The following RBFOX3 variants were observed in gnomAD, a reference collection of about 807,000 sequenced individuals.
RBFOX3 encodes RNA binding protein fox-1 homolog 3.
In RBFOX3, 17 loss-of-function variants were observed where a neutral mutation model predicts 48.7. That is an observed-to-expected ratio of 0.35 (90% CI 0.24 to 0.52). The LOEUF is 0.52. Ranked by LOEUF, RBFOX3 falls within the 20% of genes least tolerant of loss-of-function variation. The pLI, the probability that RBFOX3 is intolerant of heterozygous loss-of-function variation, is 0.94. For synonymous variants in RBFOX3, 212 were observed against 209.5 expected, an observed-to-expected ratio of 1.01 and a Z score of -0.10; for missense variants, 382 against 497.5, an observed-to-expected ratio of 0.77 and a Z score of 2.21.
At chr17:79,547,330 C>CTGTAATCCCAG in intron 1 of RBFOX3, among the ~76,000 whole-genome samples, 1 of 152,198 alleles carries the variant, frequency 6.6e-6, no homozygotes, top group South Asian at 2.1e-4. Context: ...TGGCGCACGC[C>CTGTAATCCCAG]TGTAATCCCA....
At chr17:79,134,628 A>G (rs186337690) in intron 4 of RBFOX3, among the ~76,000 whole-genome samples, 5 of 152,338 alleles carry the variant, frequency 3.3e-5, no homozygotes, top group Admixed American at 6.5e-5. Context: ...CCTGACCTGC[A>G]GCCTCAGAAT....
Position 79,116,561 on chromosome 17 carries a change from G to A in RBFOX3, c.-33-813C>T, listed in dbSNP as rs551332737. Among the ~76,000 whole-genome samples, 409 of 152,362 alleles carry A rather than the reference G, an allele frequency of 2.7e-3. 1 individual carries two copies. The highest frequency in any genetic ancestry group is 9.6e-3 in the African/African-American group (399 of 41,586). Reference sequence around the variant, plus strand: ...TTTTGTCATTGGAAAGCAGAAGTGAGAGGGCGGCGCTGCCCAGCCCGCACC... The same window carrying A: ...TTTTGTCATTGGAAAGCAGAAGTGAAAGGGCGGCGCTGCCCAGCCCGCACC... On this transcript the variant is annotated intron_variant, in intron 4 of 14. Transcript: ENST00000693108.
chr17:79,601,738 G>A (rs1162591754), intron 1 of RBFOX3: 4 of 152,184 alleles, frequency 2.6e-5, no homozygotes, highest in Admixed American at 2.0e-4. Context: ...CCCATGGGAA[G>A]GGGGCGGGCT....
At chr17:79,357,731 G>T (rs2085461072) in intron 2 of RBFOX3, among the ~76,000 whole-genome samples, 1 of 125,118 alleles carries the variant, frequency 8.0e-6, no homozygotes, top group Non-Finnish European at 1.6e-5. Context: ...CGGTATAGGG[G>T]GGTGGTGAAG....
At chr17:79,333,873 G>A (rs2080786540) in intron 2 of RBFOX3, among the ~76,000 whole-genome samples, 1 of 151,912 alleles carries the variant, frequency 6.6e-6, no homozygotes, top group South Asian at 2.1e-4. Context: ...GCATCATCCT[G>A]GGACCTTCCC....
At chr17:79,251,454 T>G (rs540578675) in intron 3 of RBFOX3, among the ~76,000 whole-genome samples, 1 of 152,304 alleles carries the variant, frequency 6.6e-6, no homozygotes, top group Admixed American at 6.5e-5. Flanking sequence ...TCATTGGAAT[T>G]GATCCAGCAT....
chr17:79,267,920 T>G (rs16972227), intron 3 of RBFOX3, among the ~76,000 whole-genome samples: 15,470 of 152,214 alleles, frequency 0.1, 1,362 homozygotes, highest in East Asian at 0.5. Flanking sequence ...CCAGCCTAAC[T>G]CTTGATGGCT....
At chr17:79,407,478 G>A (rs999636320) in intron 2 of RBFOX3, among the ~76,000 whole-genome samples, 1 of 152,274 alleles carries the variant, frequency 6.6e-6, no homozygotes, top group Non-Finnish European at 1.5e-5. Context: ...ATGTGTTTCC[G>A]CATCTTCATT....
intron 2 of RBFOX3, among the ~76,000 whole-genome samples, chr17:79,343,251 C>G (rs896734913): frequency 6.6e-6 from 1 of 152,060 alleles, no homozygotes; most frequent in Non-Finnish European, 1.5e-5. Context: ...AAGGGCCAGG[C>G]GAGGTAACTC....
At chr17:79,244,622 T>C (rs1251038280) in intron 3 of RBFOX3, among the ~76,000 whole-genome samples, 1 of 152,068 alleles carries the variant, frequency 6.6e-6, no homozygotes, top group Non-Finnish European at 1.5e-5. Flanking sequence ...TTCTTCACGG[T>C]CATTGCTCTT....
chr17:79,471,266 A>C lies in RBFOX3; in HGVS notation c.-175+11188T>G, dbSNP rs1199804181. 2.0e-5 allele frequency among the ~76,000 whole-genome samples: 3 copies of C among 152,148 alleles called. No homozygotes were observed. The highest frequency in any genetic ancestry group is 7.2e-5 in the African/African-American group (3 of 41,418). ...CAGCTCATGGAAAGCGGGGTACGTG[A>C]CCAGCACTGGCCAGGGTGCGACGCT... is the stretch of plus-strand genomic sequence containing the variant. On this transcript the variant is annotated intron_variant, in intron 2 of 14. Coordinates refer to ENST00000693108, the MANE Select transcript of RBFOX3 (RefSeq NM_001350451.2). This position sits in a 1 kb window ranked among gnomAD's most constrained non-coding sequence, Gnocchi z 4.0.
chr17:79,179,525 C>T (rs959920291), intron 4 of RBFOX3, among the ~76,000 whole-genome samples: 1 of 152,136 alleles, frequency 6.6e-6, no homozygotes, highest in African/African-American at 2.4e-5. Context: ...GTCCCTCTCC[C>T]CCGGCCAGCC....
chr17:79,093,548 G>GAA (rs72211592), intron 14 of RBFOX3, among the ~76,000 whole-genome samples: 2,527 of 117,388 alleles, frequency 0.022, 72 homozygotes, highest in African/African-American at 0.071. Context: ...GTTAAAAATT[G>GAA]AAAAAAAAAA....
chr17:79,484,690 G>T (rs4992581), intron 1 of RBFOX3, among the ~76,000 whole-genome samples: 23,600 of 152,152 alleles, frequency 0.16, 1,942 homozygotes, highest in East Asian at 0.27. Flanking sequence ...GGTGGGGAGA[G>T]AAAGCAGGCG....
At chr17:79,271,171 G>C (rs945989808) in intron 3 of RBFOX3, among the ~76,000 whole-genome samples, 3 of 151,900 alleles carry the variant, frequency 2.0e-5, no homozygotes, top group African/African-American at 7.3e-5. Flanking sequence ...TGCCTCCCGG[G>C]TTCAAGCGAT....
chr17:79,368,778 C>T (rs970583989), intron 2 of RBFOX3, among the ~76,000 whole-genome samples: 1 of 152,200 alleles, frequency 6.6e-6, no homozygotes, highest in African/African-American at 2.4e-5. Flanking sequence ...CCAGGGCTGA[C>T]ACCATTAGGG....
chr17:79,592,968 C>T (rs9900477), intron 1 of RBFOX3, among the ~76,000 whole-genome samples: 124 of 152,284 alleles, frequency 8.1e-4, no homozygotes, highest in African/African-American at 2.9e-3. Context: ...CCTGGCAGAC[C>T]CCAAACCACA....
intron 2 of RBFOX3, among the ~76,000 whole-genome samples, chr17:79,465,666 G>A (rs118004914): frequency 0.035 from 5,314 of 152,260 alleles, 126 homozygotes; most frequent in South Asian, 0.062. Context: ...CCTCGGAGGA[G>A]CAGCCCCGTG....
At chr17:79,601,488 T>C (rs2093704715) in intron 1 of RBFOX3, 1 of 152,246 alleles carries the variant, frequency 6.6e-6, no homozygotes, top group African/African-American at 2.4e-5. Context: ...AATTTTAGTA[T>C]ATATTAATGC....
Sources: allele counts gnomAD v4.1 joint callset (sites outside exome capture counted in the v4.1 genomes callset), GRCh38; gene constraint gnomAD v4.1.1; non-coding constraint Gnocchi (gnomAD v3.1); transcripts MANE v1.5; gene names NCBI Gene and HGNC (gene_info 2026-07-23, HGNC 2026-07-21).